UIMC1: variants seen among roughly 807,000 people sequenced by gnomAD.
The protein encoded by UIMC1 is BRCA1-A complex subunit RAP80.
In UIMC1, 42 loss-of-function variants were observed where a neutral mutation model predicts 84.9. That is an observed-to-expected ratio of 0.49 (90% CI 0.39 to 0.64). The LOEUF (loss-of-function observed/expected upper bound fraction) is 0.64. Ranked by LOEUF, UIMC1 falls within the 30% of genes least tolerant of loss-of-function variation. The pLI is 0.00. For synonymous variants in UIMC1, 281 were observed against 293.0 expected (o/e 0.96, Z 0.42); for missense variants, 825 against 847.6 (o/e 0.97, Z 0.33).
At chr5:176,945,054 C>T (rs1277104977) in intron 9 of UIMC1, among the ~76,000 whole-genome samples, 1 of 152,228 alleles carries the variant, frequency 6.6e-6, no homozygotes, top group Non-Finnish European at 1.5e-5. Flanking sequence ...CACTTGGCAT[C>T]AAAACCTTCA....
chr5:177,018,133 A>T (rs890436977), intron 1 of UIMC1, among the ~76,000 whole-genome samples: 1 of 151,996 alleles, frequency 6.6e-6, no homozygotes, highest in Non-Finnish European at 1.5e-5. Context: ...GTCAGACCAC[A>T]TGAGATCAGG....
rs147916726 is a variant in UIMC1, at chr5:176,992,804, T to C, written c.-8-10181A>G. ...CTAGGCAACAGAGTAAGACCCCGTATCAAAAAAGAAAACAAAAAGCCACCA... is the reference window on the plus strand; with the variant it reads ...CTAGGCAACAGAGTAAGACCCCGTACCAAAAAAGAAAACAAAAAGCCACCA... On this transcript the variant is annotated intron_variant, in intron 1 of 14. Transcript: ENST00000511320. Among the ~76,000 whole-genome samples the C allele has an allele frequency of 3.0e-4, 46 of 151,586 alleles. 1 individual carries two copies. Among genetic ancestry groups the C allele is most frequent in the African/African-American group, 9.4e-4 (39 of 41,332 alleles).
chr5:177,014,888 T>A (rs1286699855), intron 1 of UIMC1, among the ~76,000 whole-genome samples: 1 of 152,098 alleles, frequency 6.6e-6, no homozygotes, highest in African/African-American at 2.4e-5. Context: ...CCACGTGACA[T>A]TTTAACTTTA....
rs749588039 is a variant in UIMC1 at position 176,968,912 on chromosome 5, T to C, written c.843A>G (p.Pro281=). 3.1e-6 allele frequency: 5 copies of C among 1,614,014 alleles called. No homozygotes were observed. In the East Asian group the frequency reaches 1.1e-4, roughly 36 times the overall value. The change falls in exon 6 of 15, where the codon CCA becomes CCG. Residue 281 remains proline (P), a synonymous_variant. Transcript: ENST00000511320. ...TAGGGTCTACTCCATCAGGGCAGAATGGAATACCCCAGAAATAGTTCACAG... is the reference window on the plus strand; with the variant it reads ...TAGGGTCTACTCCATCAGGGCAGAACGGAATACCCCAGAAATAGTTCACAG... ...GGTVNYFWGI[P]FCPDGVDPNQ...
chr5:176,944,499 C>T (rs1050044777), intron 9 of UIMC1, among the ~76,000 whole-genome samples: 6 of 152,206 alleles, frequency 3.9e-5, no homozygotes, highest in Admixed American at 1.3e-4. Flanking sequence ...ACAGCATGTC[C>T]TATCCAATCA....
rs149767226 is a variant in UIMC1, at chr5:176,905,331, C to G, written c.2111G>C (p.Gly704Ala). ...DFKKQVTVQPGSRTRTKAGRG... is the reference protein window; with the variant it reads ...DFKKQVTVQPASRTRTKAGRG... ...GCCAGCTTTGGTCCGTGTCCGACTA[C>G]CTGGCTGGACAGTAACTTGCTTTTT... Residue 704 changes from glycine to alanine, a missense_variant, in exon 15 of 15, where the codon GGT becomes GCT. Transcript: ENST00000511320. 4.3e-6 allele frequency: 7 copies of G among 1,614,002 alleles called. No homozygotes were observed. The African/African-American group carries it at 9.3e-5, about 22-fold the overall frequency.
chr5:177,009,321 C>T (rs997795865), upstream of UIMC1, among the ~76,000 whole-genome samples: 13 of 151,300 alleles, frequency 8.6e-5, no homozygotes, highest in African/African-American at 2.4e-4. This position sits in a 1 kb window ranked among gnomAD's most constrained non-coding sequence, Gnocchi z 4.3. Context: ...TGTTTTAAGC[C>T]GCTAAGTTTT....
At chr5:176,964,803 C>CCCCT (rs1214932944) in intron 6 of UIMC1, among the ~76,000 whole-genome samples, 1 of 152,212 alleles carries the variant, frequency 6.6e-6, no homozygotes, top group East Asian at 1.9e-4. Flanking sequence ...CTGTCCCTCA[C>CCCCT]CCCTCCCATT....
intron 10 of UIMC1, among the ~76,000 whole-genome samples, chr5:176,913,227 T>C (rs1018662538): frequency 6.6e-6 from 1 of 152,216 alleles, no homozygotes; most frequent in African/African-American, 2.4e-5. Context: ...AAGATTTGGA[T>C]TGACAAATCT....
At chr5:177,006,059 C>T (rs1298733625) in intron 1 of UIMC1, among the ~76,000 whole-genome samples, 15 of 152,198 alleles carry the variant, frequency 9.9e-5, no homozygotes. Flanking sequence ...CACAACAAAA[C>T]AGCAACCCGG....
chr5:176,911,112 G>GAAGAA (rs35830185), intron 11 of UIMC1, among the ~76,000 whole-genome samples, 199 bp downstream of exon 11: 3,361 of 116,698 alleles, frequency 0.029, 97 homozygotes, highest in Middle Eastern at 0.047. Flanking sequence ...GAGAGAGAGA[G>GAAGAA]AAGAAAAGAA....
intron 10 of UIMC1, among the ~76,000 whole-genome samples, chr5:176,938,359 GC>G (rs1181666490): frequency 6.6e-6 from 1 of 152,052 alleles, no homozygotes; most frequent in African/African-American, 2.4e-5. Context: ...TCTGTCTCTG[GC>G]AAGGAAGATG....
At chr5:176,983,752 G>A (rs34100300) in intron 1 of UIMC1, among the ~76,000 whole-genome samples, 22,054 of 150,946 alleles carry the variant, frequency 0.15, 2,137 homozygotes, top group Middle Eastern at 0.23. Context: ...AGTCAGGAGC[G>A]CCTCTACCCG....
At chr5:176,909,158 C>A (rs1004327775) in intron 11 of UIMC1, among the ~76,000 whole-genome samples, 2 of 152,186 alleles carry the variant, frequency 1.3e-5, no homozygotes, top group African/African-American at 4.8e-5. Context: ...TGTCTATATG[C>A]TGACTTCCTT....
intron 1 of UIMC1, among the ~76,000 whole-genome samples, chr5:177,000,148 C>T (rs185175541): frequency 3.4e-4 from 51 of 152,188 alleles, no homozygotes; most frequent in Admixed American, 1.1e-3. Context: ...TTAGGAGAGA[C>T]GGGGTTTCAC....
chr5:176,911,541 T>C (rs1561713971), intron 10 of UIMC1, 152 bp from the exon 11 acceptor site: 1 of 436,906 alleles, frequency 2.3e-6, no homozygotes, highest in Non-Finnish European at 3.8e-6. Context: ...TTTCTAGAAT[T>C]GAGAATAGCG....
intron 1 of UIMC1, chr5:177,002,167 C>A (rs1262703473): frequency 6.6e-6 from 1 of 151,034 alleles, no homozygotes; most frequent in Non-Finnish European, 1.5e-5. Context: ...TAGTGGCGTG[C>A]ACCTGTAGTC....
chr5:176,962,003 C>T (rs1379379116), intron 6 of UIMC1, among the ~76,000 whole-genome samples: 1 of 70,402 alleles, frequency 1.4e-5, no homozygotes, highest in Non-Finnish European at 2.9e-5. Context: ...GGGGGTCAGC[C>T]CCCCTGCCCG....
intron 10 of UIMC1, among the ~76,000 whole-genome samples, chr5:176,928,803 T>G (rs1762710993): frequency 1.3e-5 from 2 of 151,272 alleles, no homozygotes; most frequent in African/African-American, 4.9e-5. Flanking sequence ...TACAAAAAAT[T>G]AGCTGGGCAT....
Sources: gnomAD v4.1 joint callset for allele counts (sites outside exome capture counted in the v4.1 genomes callset) on GRCh38, gnomAD v4.1.1 for gene constraint, Gnocchi (gnomAD v3.1) non-coding constraint, MANE v1.5 for transcripts, NCBI Gene and HGNC (gene_info 2026-07-23, HGNC 2026-07-21) for gene names.